Variants in ADAM18 observed in about 807,000 individuals in gnomAD.
ADAM18 encodes the protein disintegrin and metalloproteinase domain-containing protein 18.
Under a neutral mutation model 94.4 loss-of-function variants are expected in ADAM18, and 117 were observed. That is an observed-to-expected ratio of 1.24 (90% CI 1.07 to 1.45). The LOEUF (loss-of-function observed/expected upper bound fraction) is 1.45. Ranked by LOEUF, ADAM18 falls within the 40% of genes most tolerant of loss-of-function variation. The pLI is 0.00. For missense variants in ADAM18, 936 were observed against 880.0 expected (o/e 1.06, Z -0.81); for synonymous variants, 327 against 291.6 (o/e 1.12, Z -1.24).
At chr8:39,682,334 C>T (rs1007167981) in intron 16 of ADAM18, among the ~76,000 whole-genome samples, 8 of 152,116 alleles carry the variant, frequency 5.3e-5, no homozygotes, top group East Asian at 1.9e-4. Flanking sequence ...AAGAGATTCA[C>T]GGGAGGTTCA....
At chr8:39,662,841 T>C (rs1324820524) in intron 12 of ADAM18, among the ~76,000 whole-genome samples, 1 of 152,150 alleles carries the variant, frequency 6.6e-6, no homozygotes, top group Non-Finnish European at 1.5e-5. Flanking sequence ...GCCAGGCTGG[T>C]CTTGAACTCC....
chr8:39,706,743 AC>A lies in ADAM18; in HGVS notation c.1903-46del, dbSNP rs1300504349. 3 of 1,043,372 alleles carry A rather than the reference AC, an allele frequency of 2.9e-6. No homozygotes were observed. The Admixed American group carries it at 5.7e-5, about 20-fold the overall frequency. 64.6% of individuals were successfully genotyped at this position (1,043,372 alleles called of 1,614,324 possible). On this transcript the variant is annotated intron_variant, in intron 17 of 19. Coordinates refer to ENST00000265707, the MANE Select transcript of ADAM18 (RefSeq NM_014237.3). ...CAGATACAAAGACCTTGTATCAGAT[AC>A]AAAGACTAAGACGACTCAAACTGTT...
chr8:39,637,549 T>C lies in ADAM18; in HGVS notation c.673T>C (p.Phe225Leu), dbSNP rs1323999015. 1 of 1,609,646 alleles carries C rather than the reference T, an allele frequency of 6.2e-7. No homozygotes were observed. The highest frequency in any genetic ancestry group is 8.5e-7 in the Non-Finnish European group (1 of 1,177,930). The stretch of plus-strand genomic sequence containing the variant: ...ATCTTATTTTTAGATGTTTACCCAG[T>C]TCAAATTGACTGTTATACTGTCTTC... ...IGLVNTMFTQ[F>L]KLTVILSSLE... The change falls in exon 9 of 20, where the codon TTC becomes CTC. Residue 225 changes from phenylalanine to leucine, a missense_variant. Physicochemically the swap from Phe to Leu is conservative, Grantham distance 22. Coordinates refer to ENST00000265707, the MANE Select transcript of ADAM18 (RefSeq NM_014237.3).
chr8:39,597,455 ATTATG>A (rs1818773983), intron 2 of ADAM18, among the ~76,000 whole-genome samples: 1 of 152,172 alleles, frequency 6.6e-6, no homozygotes, highest in Non-Finnish European at 1.5e-5. Context: ...TTGGTGAACT[ATTATG>A]TTATGTGTCT....
chr8:39,727,233 G>T (rs756259949), intron 19 of ADAM18, among the ~76,000 whole-genome samples: 1 of 152,138 alleles, frequency 6.6e-6, no homozygotes, highest in South Asian at 2.1e-4. Context: ...TTGGATATTA[G>T]CACTTGGCTC....
intron 18 of ADAM18, among the ~76,000 whole-genome samples, chr8:39,716,679 G>T (rs1822588912): frequency 6.6e-6 from 1 of 151,924 alleles, no homozygotes; most frequent in Non-Finnish European, 1.5e-5. Context: ...TGCTGCTGTT[G>T]AGTGGAATAT....
intron 13 of ADAM18, among the ~76,000 whole-genome samples, chr8:39,666,290 T>C (rs549399503): frequency 6.6e-6 from 1 of 152,274 alleles, no homozygotes; most frequent in Admixed American, 6.5e-5. Context: ...TCTATCCCCC[T>C]AGGCCTCCCA....
chr8:39,593,421 T>C (rs73603954), intron 2 of ADAM18, among the ~76,000 whole-genome samples: 5,417 of 152,118 alleles, frequency 0.036, 245 homozygotes, highest in African/African-American at 0.11. Flanking sequence ...AACCACAAAA[T>C]AACCTCGAGT....
intron 2 of ADAM18, among the ~76,000 whole-genome samples, chr8:39,600,390 T>A (rs1288551027): frequency 2.0e-5 from 3 of 152,222 alleles, no homozygotes; most frequent in Non-Finnish European, 4.4e-5. Flanking sequence ...TTTGATTGGA[T>A]CCAGGTAACT....
intron 11 of ADAM18, among the ~76,000 whole-genome samples, chr8:39,646,334 G>T (rs1262425256): frequency 6.6e-6 from 1 of 151,526 alleles, no homozygotes; most frequent in African/African-American, 2.4e-5. Flanking sequence ...TAAACATAAT[G>T]AAAATTAAAC....
At chr8:39,663,344 T>C (rs1241266671) in intron 12 of ADAM18, among the ~76,000 whole-genome samples, 2 of 151,138 alleles carry the variant, frequency 1.3e-5, no homozygotes, top group African/African-American at 4.9e-5. Flanking sequence ...ATCCTAGCAC[T>C]TTGTGAGGCT....
intron 2 of ADAM18, among the ~76,000 whole-genome samples, chr8:39,586,056 T>C (rs1233769833): frequency 6.6e-6 from 1 of 152,216 alleles, no homozygotes; most frequent in Non-Finnish European, 1.5e-5. Context: ...ATGTCAACTC[T>C]GAAAATGTTT....
At chr8:39,678,902 A>C (rs1821364071) in intron 15 of ADAM18, among the ~76,000 whole-genome samples, 1 of 152,218 alleles carries the variant, frequency 6.6e-6, no homozygotes, top group Non-Finnish European at 1.5e-5. Flanking sequence ...AGTTCTAAGA[A>C]TTTAACCATA....
intron 6 of ADAM18, chr8:39,611,164 A>C: frequency 1.2e-6 from 1 of 862,320 alleles, no homozygotes; most frequent in Non-Finnish European, 1.4e-6. Flanking sequence ...AGCACTTTGA[A>C]TATTTCAATC....
chr8:39,586,918 G>A (rs911721150), intron 2 of ADAM18, among the ~76,000 whole-genome samples: 13 of 152,060 alleles, frequency 8.5e-5, no homozygotes, highest in Non-Finnish European at 1.5e-4. Flanking sequence ...GAAGCATATA[G>A]CAACTACGCA....
intron 6 of ADAM18, among the ~76,000 whole-genome samples, chr8:39,613,695 G>A (rs576289601): frequency 1.3e-5 from 2 of 152,132 alleles, no homozygotes; most frequent in African/African-American, 2.4e-5. Context: ...AGATTTAGGA[G>A]AAAGTTGAAA....
chr8:39,585,432 C>A, intron 2 of ADAM18, 80 bp downstream of exon 2: 2 of 1,036,244 alleles, frequency 1.9e-6, no homozygotes, highest in Non-Finnish European at 2.9e-6. Context: ...TCAGATCATA[C>A]TAATTTGTAT....
chr8:39,603,042 A>G (rs1303315039), intron 2 of ADAM18, among the ~76,000 whole-genome samples: 2 of 152,202 alleles, frequency 1.3e-5, no homozygotes, highest in Admixed American at 1.3e-4. Context: ...TATCTTGCAC[A>G]CTTGTGCAAG....
At position 39,645,932 on chromosome 8, in the gene ADAM18, C is replaced by A. The variant is rs7839540; in HGVS notation, c.1046+458C>A. Among the ~76,000 whole-genome samples, 917 of 152,078 alleles carry A rather than the reference C, an allele frequency of 6.0e-3. 5 individuals carry two copies. The highest frequency in any genetic ancestry group is 0.021 in the African/African-American group (871 of 41,500). ...TAGCTTTTTGCATGAGAGTGTCTTG[C>A]AAAAGTATGGTAATACTTATTCCTA... On this transcript the variant is annotated intron_variant, in intron 11 of 19. Transcript: ENST00000265707.
Sources: gnomAD v4.1 joint callset for allele counts (sites outside exome capture counted in the v4.1 genomes callset) on GRCh38, gnomAD v4.1.1 for gene constraint, MANE v1.5 for transcripts, NCBI Gene and HGNC (gene_info 2026-07-23, HGNC 2026-07-21) for gene names.